SDCCAG8: variants seen among roughly 807,000 people sequenced by gnomAD.
The protein encoded by SDCCAG8 is serologically defined colon cancer antigen 8.
A neutral mutation model predicts 101.8 loss-of-function variants in SDCCAG8; 74 were observed. The observed-to-expected ratio is 0.73, with a 90% CI of 0.60 to 0.88. The LOEUF (loss-of-function observed/expected upper bound fraction) is 0.88. SDCCAG8 is among the 40% of genes least tolerant of loss of function. SDCCAG8 has a pLI of 0.00. For missense variants in SDCCAG8, 787 were observed against 822.6 expected (o/e 0.96, Z 0.53); for synonymous variants, 281 against 292.9 (o/e 0.96, Z 0.41).
chr1:243,483,539 C>A (rs1388978031), intron 16 of SDCCAG8, among the ~76,000 whole-genome samples: 2 of 152,180 alleles, frequency 1.3e-5, no homozygotes, highest in Non-Finnish European at 2.9e-5. Context: ...TCCTCCCCAG[C>A]GGCTTCGGTG....
At chr1:243,450,751 C>T (rs145990321) in intron 16 of SDCCAG8, among the ~76,000 whole-genome samples, 1,914 of 152,228 alleles carry the variant, frequency 0.013, 44 homozygotes, top group African/African-American at 0.043. Flanking sequence ...CTCTGCCTCT[C>T]GGGTTCAAGC....
Position 243,476,301 on chromosome 1 carries a change from C to T in SDCCAG8, c.1986-12713C>T, listed in dbSNP as rs185099434. On this transcript the variant is annotated intron_variant, in intron 16 of 17. Transcript: ENST00000366541. The stretch of plus-strand genomic sequence containing the variant: ...GCTTTCAGCATTGACGGTTCCGTAG[C>T]GGACGGCCAGGAGTTGTTATCAAAT... The T allele has an allele frequency of 1.8e-5, 18 of 985,448 alleles. No homozygotes were observed. In the Admixed American group the frequency reaches 4.3e-4, roughly 24 times the overall value. 61.0% of individuals were successfully genotyped at this position (985,448 alleles called of 1,614,324 possible).
At chr1:243,340,005 A>T (rs939817129) in intron 10 of SDCCAG8, among the ~76,000 whole-genome samples, 1 of 152,240 alleles carries the variant, frequency 6.6e-6, no homozygotes, top group Non-Finnish European at 1.5e-5. Context: ...ACAAAACATA[A>T]TTGGAAACCA....
chr1:243,378,896 C>G (rs369480334), intron 13 of SDCCAG8, 33 bp downstream of exon 13: 3 of 1,613,656 alleles, frequency 1.9e-6, no homozygotes, highest in Middle Eastern at 1.7e-4. Flanking sequence ...GCCATAGCAC[C>G]GATTTCATTC....
At chr1:243,372,950 C>CTATATCTA (rs879833144) in intron 12 of SDCCAG8, among the ~76,000 whole-genome samples, 1 of 132,246 alleles carries the variant, frequency 7.6e-6, no homozygotes. Flanking sequence ...ATATCTATAT[C>CTATATCTA]TATCTATATA....
chr1:243,359,088 A>G (rs138252997), intron 12 of SDCCAG8, among the ~76,000 whole-genome samples: 1 of 152,222 alleles, frequency 6.6e-6, no homozygotes, highest in African/African-American at 2.4e-5. Flanking sequence ...CCAGGTAGAG[A>G]TTTATTCCCT....
chr1:243,365,079 AT>A (rs1404337968), intron 12 of SDCCAG8, among the ~76,000 whole-genome samples: 2 of 152,196 alleles, frequency 1.3e-5, no homozygotes, highest in African/African-American at 4.8e-5. Flanking sequence ...GTGGCTTGGC[AT>A]TATTCCACAT....
intron 9 of SDCCAG8, among the ~76,000 whole-genome samples, chr1:243,329,377 T>A (rs1247303691): frequency 6.6e-6 from 1 of 152,156 alleles, no homozygotes; most frequent in Non-Finnish European, 1.5e-5. Flanking sequence ...GAGAGGAAAA[T>A]TCACATATCC....
At chr1:243,450,290 T>C (rs2083255186) in intron 16 of SDCCAG8, among the ~76,000 whole-genome samples, 1 of 152,232 alleles carries the variant, frequency 6.6e-6, no homozygotes, top group South Asian at 2.1e-4. Context: ...AGGTAATGGT[T>C]AGGATTAATA....
chr1:243,413,668 T>C (rs1266378533), intron 13 of SDCCAG8, among the ~76,000 whole-genome samples: 1 of 152,174 alleles, frequency 6.6e-6, no homozygotes, highest in South Asian at 2.1e-4. Context: ...CCCTTTCACT[T>C]TCAGATGGGT....
intron 8 of SDCCAG8, among the ~76,000 whole-genome samples, chr1:243,313,996 TGC>T: frequency 6.6e-6 from 1 of 152,206 alleles, no homozygotes; most frequent in Admixed American, 6.5e-5. Context: ...GAGAGGGGAC[TGC>T]CAGCCCAGAG....
chr1:243,296,624 G>C (rs1323210293), intron 6 of SDCCAG8, among the ~76,000 whole-genome samples: 2 of 129,312 alleles, frequency 1.5e-5, no homozygotes, highest in African/African-American at 5.7e-5. Flanking sequence ...CTCACTGCAA[G>C]CTCCGCCTTC....
intron 13 of SDCCAG8, among the ~76,000 whole-genome samples, chr1:243,406,080 G>C (rs748101030): frequency 1.4e-4 from 21 of 152,094 alleles, no homozygotes; most frequent in Non-Finnish European, 2.5e-4. Context: ...TTAGTTACTG[G>C]GAATTTGTAG....
At chr1:243,268,501 C>G (rs1251995544) in intron 1 of SDCCAG8, among the ~76,000 whole-genome samples, 2 of 152,146 alleles carry the variant, frequency 1.3e-5, no homozygotes, top group Non-Finnish European at 2.9e-5. Flanking sequence ...AAAGAAAGAT[C>G]TGTGTGGACA....
intron 17 of SDCCAG8, among the ~76,000 whole-genome samples, chr1:243,498,384 G>T (rs1301230285): frequency 6.6e-6 from 1 of 152,146 alleles, no homozygotes; most frequent in Non-Finnish European, 1.5e-5. Context: ...GCATCCCGTG[G>T]GCCCAGGAAA....
At chr1:243,352,572 A>T (rs2076137600) in intron 12 of SDCCAG8, among the ~76,000 whole-genome samples, 1 of 152,220 alleles carries the variant, frequency 6.6e-6, no homozygotes, top group Non-Finnish European at 1.5e-5. Flanking sequence ...GAGAGACATT[A>T]GACATAAGAC....
At chr1:243,439,069 G>A (rs2082347047) in intron 16 of SDCCAG8, among the ~76,000 whole-genome samples, 1 of 152,186 alleles carries the variant, frequency 6.6e-6, no homozygotes, top group African/African-American at 2.4e-5. Context: ...GAGAGTGAGG[G>A]AATGGAAGGT....
At chr1:243,260,540 C>A (rs1318177382) in intron 1 of SDCCAG8, among the ~76,000 whole-genome samples, 1 of 152,176 alleles carries the variant, frequency 6.6e-6, no homozygotes, top group Non-Finnish European at 1.5e-5. Context: ...AAGTACTGCA[C>A]ACTTGAGTGT....
intron 16 of SDCCAG8, among the ~76,000 whole-genome samples, chr1:243,460,727 GCCACACCAATAAGT>G (rs1658908913): frequency 6.6e-6 from 1 of 152,096 alleles, no homozygotes; most frequent in Non-Finnish European, 1.5e-5. Context: ...TAATGTTGTG[GCCACACCAATAAGT>G]CCCCAGCTTC....
Sources: allele counts gnomAD v4.1 joint callset (sites outside exome capture counted in the v4.1 genomes callset), GRCh38; gene constraint gnomAD v4.1.1; transcripts MANE v1.5; gene names NCBI Gene and HGNC (gene_info 2026-07-23, HGNC 2026-07-21).